The following FNIP1 variants were observed in gnomAD, a reference collection of about 807,000 sequenced individuals.
The protein encoded by FNIP1 is folliculin-interacting protein 1.
A neutral mutation model predicts 124.5 loss-of-function variants in FNIP1; 40 were observed. The ratio of observed to expected loss-of-function variants is 0.32; its 90% CI spans 0.25 to 0.42. The LOEUF (loss-of-function observed/expected upper bound fraction) is 0.42. Ranked by LOEUF, FNIP1 falls within the 10% of genes least tolerant of loss-of-function variation. The pLI is 1.00. For synonymous variants in FNIP1, 472 were observed against 470.6 expected (o/e 1.00, Z -0.04); for missense variants, 1,176 against 1,403.7 (o/e 0.84, Z 2.59).
chr5:131,781,238 G>A (rs1274303102), intron 1 of FNIP1, among the ~76,000 whole-genome samples: 3 of 152,218 alleles, frequency 2.0e-5, no homozygotes, highest in Admixed American at 2.0e-4. Context: ...AAGGAAAGAA[G>A]CCATCTCCAT....
chr5:131,785,427 C>A (rs574258337), intron 1 of FNIP1, among the ~76,000 whole-genome samples: 177 of 151,742 alleles, frequency 1.2e-3, no homozygotes, highest in African/African-American at 4.0e-3. Context: ...TGATGGCAGG[C>A]GCCTGTAATC....
chr5:131,660,448 AACCCACTCC>A (rs1300810439), intron 15 of FNIP1, among the ~76,000 whole-genome samples: 2 of 152,072 alleles, frequency 1.3e-5, no homozygotes, highest in African/African-American at 4.8e-5. Context: ...CTGGACTGAC[AACCCACTCC>A]TGTAGCCCCA....
rs1393563117 is a variant in FNIP1, at chr5:131,647,073, A to G, written c.3422+17T>C. On this transcript the variant is annotated intron_variant, in intron 17 of 17. Coordinates refer to ENST00000510461, the MANE Select transcript of FNIP1 (RefSeq NM_133372.3). ...AGGGCAATGAAAGCAAAGCCAAAAAAGAAACCATTAACATACCCCAGAACC... is the reference window on the plus strand; with the variant it reads ...AGGGCAATGAAAGCAAAGCCAAAAAGGAAACCATTAACATACCCCAGAACC... The G allele has an allele frequency of 1.2e-6, 2 of 1,610,232 alleles. No homozygotes were observed. Among genetic ancestry groups the G allele is most frequent in the African/African-American group, 2.7e-5 (2 of 74,828 alleles).
At chr5:131,656,177 G>A (rs897565215) in intron 15 of FNIP1, among the ~76,000 whole-genome samples, 1 of 152,170 alleles carries the variant, frequency 6.6e-6, no homozygotes, top group Non-Finnish European at 1.5e-5. Context: ...AACATCATGG[G>A]ATCCACATGG....
intron 12 of FNIP1, among the ~76,000 whole-genome samples, 174 bp downstream of exon 12, chr5:131,678,855 A>C (rs371673927): frequency 6.6e-6 from 1 of 152,222 alleles, no homozygotes; most frequent in Non-Finnish European, 1.5e-5. Flanking sequence ...CTTTTCATTC[A>C]TAAGGTTCTG....
At chr5:131,786,556 G>A (rs187142590) in intron 1 of FNIP1, among the ~76,000 whole-genome samples, 9 of 152,304 alleles carry the variant, frequency 5.9e-5, no homozygotes, top group African/African-American at 1.9e-4. Context: ...GAGAAATTGG[G>A]GGATTAGAGT....
chr5:131,654,630 G>C (rs986717520), intron 15 of FNIP1, among the ~76,000 whole-genome samples: 2 of 152,314 alleles, frequency 1.3e-5, no homozygotes, highest in Admixed American at 1.3e-4. Context: ...CCAAGTGCTG[G>C]GAAGTAGAGG....
At chr5:131,764,378 G>A (rs1187468535) in intron 1 of FNIP1, among the ~76,000 whole-genome samples, 1 of 149,970 alleles carries the variant, frequency 6.7e-6, no homozygotes, top group Non-Finnish European at 1.5e-5. Context: ...CATGTTCATG[G>A]CTCACTGCAA....
At chr5:131,739,795 AGAGT>A (rs1308760395) in intron 2 of FNIP1, among the ~76,000 whole-genome samples, 1 of 142,042 alleles carries the variant, frequency 7.0e-6, no homozygotes, top group African/African-American at 2.7e-5. Context: ...CCTGGGTGAC[AGAGT>A]GAGACTCCAG....
intron 1 of FNIP1, among the ~76,000 whole-genome samples, chr5:131,783,941 T>G (rs929673063): frequency 2.0e-5 from 3 of 149,296 alleles, no homozygotes; most frequent in African/African-American, 7.4e-5. Flanking sequence ...TATGGTCCAC[T>G]GAAACACAGG....
At chr5:131,772,820 A>G (rs566865595) in intron 1 of FNIP1, among the ~76,000 whole-genome samples, 34 of 152,270 alleles carry the variant, frequency 2.2e-4, no homozygotes, top group African/African-American at 7.7e-4. Context: ...ACAGTGCTTC[A>G]CTGGCCTCTG....
intron 3 of FNIP1, among the ~76,000 whole-genome samples, chr5:131,729,629 T>C (rs1217831240): frequency 6.6e-6 from 1 of 152,122 alleles, no homozygotes; most frequent in African/African-American, 2.4e-5. Flanking sequence ...CCAGGGTGGG[T>C]TGCTATGGCA....
chr5:131,692,301 G>C (rs1012652488), intron 11 of FNIP1, among the ~76,000 whole-genome samples: 1 of 152,030 alleles, frequency 6.6e-6, no homozygotes, highest in Non-Finnish European at 1.5e-5. Flanking sequence ...ATTTACATTA[G>C]GTTCCCTCCC....
chr5:131,672,912 C>G lies in FNIP1; in HGVS notation c.1532G>C (p.Gly511Ala). The G allele has an allele frequency of 6.5e-7, 1 of 1,541,468 alleles. No homozygotes were observed. Among genetic ancestry groups the G allele is most frequent in the Non-Finnish European group, 8.7e-7 (1 of 1,147,362 alleles). Reference sequence around the variant, plus strand: ...TAACCGTACGGGAGAGCCAATAGCGCCATACAAGTCTCCTGTAATGGAAAA... The same window carrying G: ...TAACCGTACGGGAGAGCCAATAGCGGCATACAAGTCTCCTGTAATGGAAAA... The part of the protein sequence containing the change: ...PLWAQLGDLY[G>A]AIGSPVRLAR... The change falls in exon 14 of 18, where the codon GGC becomes GCC. Residue 511 changes from glycine (G) to alanine (A), a missense_variant. Physicochemically the swap from Gly to Ala is moderately conservative, Grantham distance 60. Transcript: ENST00000510461.
chr5:131,709,967 C>A (rs1769235228), intron 7 of FNIP1, among the ~76,000 whole-genome samples: 2 of 152,264 alleles, frequency 1.3e-5, no homozygotes, highest in Admixed American at 1.3e-4. Flanking sequence ...GTTAGGTAAT[C>A]CGCTAAAATG....
rs140618553 is a variant in FNIP1, at chr5:131,766,417, C to T, written c.93-21727G>A. ...TCCAATCCAAATGTTTAAATTTCCC[C>T]GGTCCCAATCTACAATTCAGTTGAA... On this transcript the variant is annotated intron_variant, in intron 1 of 17. Coordinates refer to ENST00000510461, the MANE Select transcript of FNIP1 (RefSeq NM_133372.3). Among the ~76,000 whole-genome samples the T allele has an allele frequency of 3.2e-3, 487 of 152,222 alleles. 3 individuals are homozygous for T. Among genetic ancestry groups the T allele is most frequent in the African/African-American group, 0.011 (463 of 41,542 alleles).
chr5:131,659,880 C>G (rs975373666), intron 15 of FNIP1, among the ~76,000 whole-genome samples: 2 of 152,172 alleles, frequency 1.3e-5, no homozygotes, highest in Non-Finnish European at 2.9e-5. Context: ...CCATGTCATC[C>G]CAGTTGGTGA....
chr5:131,778,351 A>G (rs1423924063), intron 1 of FNIP1, among the ~76,000 whole-genome samples: 2 of 152,234 alleles, frequency 1.3e-5, no homozygotes, highest in Non-Finnish European at 2.9e-5. Flanking sequence ...GTATACTGTG[A>G]GGAAGAAAGA....
At chr5:131,725,313 C>A (rs1367295295) in intron 3 of FNIP1, among the ~76,000 whole-genome samples, 2 of 152,128 alleles carry the variant, frequency 1.3e-5, no homozygotes, top group East Asian at 3.8e-4. Context: ...TTTCACGATA[C>A]TGATTCTTCC....
Sources: allele counts gnomAD v4.1 joint callset (sites outside exome capture counted in the v4.1 genomes callset), GRCh38; gene constraint gnomAD v4.1.1; transcripts MANE v1.5; gene names NCBI Gene and HGNC (gene_info 2026-07-23, HGNC 2026-07-21).